RIT2: variants seen among roughly 807,000 people sequenced by gnomAD.
RIT2 encodes the protein GTP-binding protein Rit2.
In RIT2, 24 loss-of-function variants were observed where a neutral mutation model predicts 23.7. The ratio of observed to expected loss-of-function variants is 1.01; its 90% CI spans 0.73 to 1.43. The LOEUF is 1.43. Among genes scored for constraint, RIT2 ranks in the 40% most tolerant of loss-of-function variants. The pLI is 0.00. For missense variants in RIT2, 236 were observed against 266.9 expected (o/e 0.88, Z 0.81); for synonymous variants, 107 against 91.1 (o/e 1.17, Z -0.99).
intron 4 of RIT2, among the ~76,000 whole-genome samples, chr18:42,763,566 G>A (rs1272306692): frequency 6.6e-6 from 1 of 151,976 alleles, no homozygotes; most frequent in East Asian, 1.9e-4. Flanking sequence ...TCAATGTGAA[G>A]GCCTAGGACA....
intron 4 of RIT2, among the ~76,000 whole-genome samples, chr18:42,790,635 GC>G (rs1914022404): frequency 6.6e-6 from 1 of 152,120 alleles, no homozygotes; most frequent in Admixed American, 6.6e-5. Flanking sequence ...CACCATGTTG[GC>G]CAGGCTGGTC....
chr18:42,747,311 A>G (rs1488455222), intron 4 of RIT2, among the ~76,000 whole-genome samples: 1 of 151,994 alleles, frequency 6.6e-6, no homozygotes, highest in Non-Finnish European at 1.5e-5. Flanking sequence ...TGCTAAATAA[A>G]TAAATAAAAT....
At chr18:42,913,453 A>G (rs2144121576) in intron 4 of RIT2, among the ~76,000 whole-genome samples, 1 of 152,074 alleles carries the variant, frequency 6.6e-6, no homozygotes, top group South Asian at 2.1e-4. Context: ...ACTGACTAGA[A>G]CCAAATATTT....
chr18:42,842,724 G>C (rs1906801012), intron 4 of RIT2, among the ~76,000 whole-genome samples: 1 of 152,108 alleles, frequency 6.6e-6, no homozygotes, highest in Non-Finnish European at 1.5e-5. Flanking sequence ...GATGCCACAA[G>C]TGGAAAATTC....
At position 43,081,673 on chromosome 18, in the gene RIT2, C is replaced by T. The variant is rs185471584; in HGVS notation, c.103+33744G>A. Among the ~76,000 whole-genome samples the T allele has an allele frequency of 2.0e-5, 3 of 152,198 alleles. No individual in the cohort carries two copies. The East Asian group carries it at 5.8e-4, about 29-fold the overall frequency. Reference sequence around the variant, plus strand: ...AGACTCCTGATTACTAAGAGGGAGACCTATATTTAAAACTCAGGTCTTTTT... The same window carrying T: ...AGACTCCTGATTACTAAGAGGGAGATCTATATTTAAAACTCAGGTCTTTTT... On this transcript the variant is annotated intron_variant, in intron 1 of 4. Coordinates refer to ENST00000326695, the MANE Select transcript of RIT2 (RefSeq NM_002930.4).
At chr18:42,875,517 C>T (rs1382854809) in intron 4 of RIT2, among the ~76,000 whole-genome samples, 3 of 151,966 alleles carry the variant, frequency 2.0e-5, no homozygotes, top group African/African-American at 4.8e-5. Flanking sequence ...GAAACAGATG[C>T]TTGGTGGTAT....
At chr18:42,959,057 G>A (rs543528628) in intron 3 of RIT2, among the ~76,000 whole-genome samples, 1 of 152,202 alleles carries the variant, frequency 6.6e-6, no homozygotes, top group South Asian at 2.1e-4. Flanking sequence ...AGTTGCAATT[G>A]GATAAAATAG....
chr18:42,846,838 G>A (rs1474743829), intron 4 of RIT2, among the ~76,000 whole-genome samples: 1 of 152,062 alleles, frequency 6.6e-6, no homozygotes, highest in Non-Finnish European at 1.5e-5. Flanking sequence ...CAATTTTAAT[G>A]TTAAAACTTT....
At chr18:43,071,459 A>T (rs1480613210) in intron 1 of RIT2, among the ~76,000 whole-genome samples, 1 of 152,208 alleles carries the variant, frequency 6.6e-6, no homozygotes, top group Non-Finnish European at 1.5e-5. Context: ...ATACCCTTTC[A>T]AAATGAGTCT....
At chr18:43,102,639 C>CATTTATTT (rs138870768) in intron 1 of RIT2, among the ~76,000 whole-genome samples, 5 of 151,348 alleles carry the variant, frequency 3.3e-5, no homozygotes, top group East Asian at 3.9e-4. Context: ...TTTAATTCAG[C>CATTTATTT]ATTTATTTAT....
rs551452606 is a variant in RIT2 at position 42,743,679 on chromosome 18, A to G, written c.468T>C (p.Asn156=). The G allele has an allele frequency of 2.5e-5, 41 of 1,613,810 alleles. No homozygotes were observed. Among genetic ancestry groups the G allele is most frequent in the South Asian group, 4.4e-5 (4 of 91,068 alleles). The part of the protein sequence containing the change: ...EEGLSLAQEY[N]CGFFETSAAL... ...CTGCAGAGGTCTCAAAAAAACCACA[A>G]TTATATTCTTGGGCAAGACTCAAGC... is the stretch of plus-strand genomic sequence containing the variant. Residue 156 remains asparagine, a synonymous_variant, in exon 5 of 5, where the codon AAT becomes AAC. Coordinates refer to ENST00000326695, the MANE Select transcript of RIT2 (RefSeq NM_002930.4).
intron 3 of RIT2, among the ~76,000 whole-genome samples, chr18:42,957,279 A>T (rs932959432): frequency 1.3e-5 from 2 of 152,226 alleles, no homozygotes; most frequent in Non-Finnish European, 2.9e-5. Flanking sequence ...CGATTAAAGT[A>T]GAACAAGAAT....
intron 4 of RIT2, among the ~76,000 whole-genome samples, chr18:42,873,967 C>T (rs1438700526): frequency 6.6e-6 from 1 of 152,036 alleles, no homozygotes; most frequent in Non-Finnish European, 1.5e-5. Flanking sequence ...GCTAATAATT[C>T]CTGAGTTTAA....
At chr18:42,828,796 C>T (rs1187912248) in intron 4 of RIT2, among the ~76,000 whole-genome samples, 1 of 152,180 alleles carries the variant, frequency 6.6e-6, no homozygotes, top group African/African-American at 2.4e-5. Context: ...TAGACTCAGC[C>T]TTATCATGCT....
At chr18:42,759,712 T>TACACAC (rs59733922) in intron 4 of RIT2, among the ~76,000 whole-genome samples, 64 of 131,674 alleles carry the variant, frequency 4.9e-4, no homozygotes, top group African/African-American at 1.7e-3. Flanking sequence ...GTGTTAAATC[T>TACACAC]ACACACACAC....
chr18:42,779,765 G>T (rs1913762817), intron 4 of RIT2, among the ~76,000 whole-genome samples: 1 of 152,100 alleles, frequency 6.6e-6, no homozygotes, highest in Non-Finnish European at 1.5e-5. Flanking sequence ...ATTTGGAAAT[G>T]GCCTACAAAT....
chr18:43,063,379 G>T (rs1439657887), intron 1 of RIT2, among the ~76,000 whole-genome samples: 1 of 152,014 alleles, frequency 6.6e-6, no homozygotes, highest in Non-Finnish European at 1.5e-5. Flanking sequence ...TGACCTTTGG[G>T]GCTAAACGAG....
chr18:42,902,518 A>G lies in RIT2; in HGVS notation c.426+21054T>C, dbSNP rs1389666395. ...ATTGTGTACTTTATAATTTACATAT[A>G]TTATTTTTTATATATTGTTTAATCA... On this transcript the variant is annotated intron_variant, in intron 4 of 4. Transcript: ENST00000326695. 2.0e-5 allele frequency among the ~76,000 whole-genome samples: 3 copies of G among 151,544 alleles called. No homozygotes were observed. The East Asian group carries it at 5.8e-4, about 29-fold the overall frequency.
intron 3 of RIT2, among the ~76,000 whole-genome samples, chr18:42,967,643 G>T (rs889414327): frequency 6.9e-6 from 1 of 143,948 alleles, no homozygotes; most frequent in Admixed American, 7.3e-5. Context: ...CGCTCATCTC[G>T]GCCTCCCAAA....
Sources: gnomAD v4.1 joint callset for allele counts (sites outside exome capture counted in the v4.1 genomes callset) on GRCh38, gnomAD v4.1.1 for gene constraint, MANE v1.5 for transcripts, NCBI Gene and HGNC (gene_info 2026-07-23, HGNC 2026-07-21) for gene names.